Variants in IGSF6 observed in about 807,000 individuals in gnomAD.
The protein encoded by IGSF6 is immunoglobulin superfamily member 6.
In IGSF6, 23 loss-of-function variants were observed where a neutral mutation model predicts 24.7. The ratio of observed to expected loss-of-function variants is 0.93; its 90% confidence interval spans 0.67 to 1.32. IGSF6 has a LOEUF of 1.32. Among genes scored for constraint, IGSF6 ranks in the 40% most tolerant of loss-of-function variants. The pLI, the probability that IGSF6 is intolerant of heterozygous loss-of-function variation, is 0.00. For synonymous variants in IGSF6, 110 were observed against 113.7 expected (o/e 0.97, Z 0.21); for missense variants, 295 against 293.6 (o/e 1.00, Z -0.04).
rs1307469859 is a variant in IGSF6, at chr16:21,647,162, G to T, written c.398C>A (p.Thr133Lys). ...TACCACCAGTGTGGTCCCTCCTCCT[G>T]TCTGTTTAGCTCTCGCTTCCGGCAC... is the stretch of plus-strand genomic sequence containing the variant. ...PSVPEARAKQ[T>K]GGGTTLVVRE... Residue 133 changes from threonine (T) to lysine (K), a missense_variant, in exon 2 of 6, where the codon ACA becomes AAA. Thr to Lys is a moderately conservative substitution (Grantham distance 78). Coordinates refer to ENST00000268389, the MANE Select transcript of IGSF6 (RefSeq NM_005849.4). The T allele has an allele frequency of 6.2e-7, 1 of 1,614,134 alleles. No individual in the cohort carries two copies. Among genetic ancestry groups the T allele is most frequent in the African/African-American group, 1.3e-5 (1 of 75,008 alleles).
intron 2 of IGSF6, among the ~76,000 whole-genome samples, chr16:21,645,400 T>A (rs981341864): frequency 1.3e-4 from 20 of 152,028 alleles, no homozygotes; most frequent in African/African-American, 4.6e-4. Flanking sequence ...TTGGTTGCAG[T>A]GAGCTGAGAT....
chr16:21,651,513 G>C (rs1344294418), intron 1 of IGSF6, among the ~76,000 whole-genome samples: 1 of 151,758 alleles, frequency 6.6e-6, no homozygotes, highest in Non-Finnish European at 1.5e-5. Flanking sequence ...TGTTGTTCAT[G>C]CTGGTCTTGA....
chr16:21,644,402 T>TTAA lies in IGSF6; in HGVS notation c.428-7_428-6insTTA. 6.3e-7 allele frequency: 1 copy of TTAA among 1,598,010 alleles called. No homozygotes were observed. The highest frequency in any genetic ancestry group is 8.6e-7 in the Non-Finnish European group (1 of 1,165,598). On this transcript the variant is annotated splice_polypyrimidine_tract_variant and splice_region_variant and intron_variant, in intron 2 of 5. Coordinates refer to ENST00000268389, the MANE Select transcript of IGSF6 (RefSeq NM_005849.4). Reference sequence around the variant, plus strand: ...CTTGCTGAGCAGCTTAATTTCTTAATGACAAAAACAGAAAGAAGCACATTG... The same window carrying TTAA: ...CTTGCTGAGCAGCTTAATTTCTTAATTAAGACAAAAACAGAAAGAAGCACATTG...
At chr16:21,642,589 C>A (rs1966301321) in intron 5 of IGSF6, among the ~76,000 whole-genome samples, 2 of 152,108 alleles carry the variant, frequency 1.3e-5, no homozygotes, top group Non-Finnish European at 2.9e-5. Context: ...TACATGTATT[C>A]TTTTCAGTTC....
Position 21,647,441 on chromosome 16 carries a change from A to G in IGSF6, c.119T>C (p.Val40Ala). Residue 40 changes from valine (V) to alanine (A), a missense_variant, in exon 2 of 6, where the codon GTG (valine) becomes GCG (alanine). Coordinates refer to ENST00000268389, the MANE Select transcript of IGSF6 (RefSeq NM_005849.4). ...LSVTQPWYLE[V>A]DYTHEAVTIK... ...GGTGACGGCCTCATGAGTGTAGTCC[A>G]CTTCTAGGTACCACGGTTGTGTGAC... The G allele has an allele frequency of 6.2e-7, 1 of 1,614,020 alleles. No homozygotes were observed. The highest frequency in any genetic ancestry group is 8.5e-7 in the Non-Finnish European group (1 of 1,179,980).
At position 21,647,117 on chromosome 16, in the gene IGSF6, A is replaced by G. The variant is rs777054630; in HGVS notation, c.427+16T>C. On this transcript the variant is annotated intron_variant, in intron 2 of 5. Transcript: ENST00000268389. ...AAGATGCAATGATGCACTGAAATAA[A>G]GCCTCGCTGACTGACCTCTTACCAC... The G allele has an allele frequency of 3.1e-6, 5 of 1,614,180 alleles. No individual in the cohort carries two copies. Among genetic ancestry groups the G allele is most frequent in the Non-Finnish European group, 4.2e-6 (5 of 1,180,008 alleles).
At chr16:21,651,540 G>A (rs1230491050) in intron 1 of IGSF6, among the ~76,000 whole-genome samples, 4 of 151,958 alleles carry the variant, frequency 2.6e-5, no homozygotes, top group Non-Finnish European at 5.9e-5. Flanking sequence ...GAGCTCAAGT[G>A]ATCCTCTCAC....
intron 1 of IGSF6, among the ~76,000 whole-genome samples, chr16:21,649,269 AG>A (rs1966508680): frequency 6.6e-6 from 1 of 152,210 alleles, no homozygotes. Flanking sequence ...CTGGGATTAC[AG>A]GTGTGAGCCA....
In IGSF6 at chr16:21,647,153, C is replaced by T. The variant is rs1966450741; in HGVS notation, c.407G>A (p.Gly136Glu). ...PEARAKQTGG[G>E]TTLVVREIKL... ...CTGACCTCTTACCACCAGTGTGGTC[C>T]CTCCTCCTGTCTGTTTAGCTCTCGC... Residue 136 changes from glycine to glutamate, a missense_variant, in exon 2 of 6, where the codon GGG becomes GAG. Physicochemically the swap from Gly to Glu is moderately conservative, Grantham distance 98 (BLOSUM62 -2). Transcript: ENST00000268389. 15 of 1,614,006 alleles carry T rather than the reference C, an allele frequency of 9.3e-6. No individual in the cohort carries two copies. Among genetic ancestry groups the T allele is most frequent in the South Asian group, 4.4e-5 (4 of 91,084 alleles).
chr16:21,642,361 C>T (rs2141611260), intron 5 of IGSF6: 1 of 152,182 alleles, frequency 6.6e-6, no homozygotes, highest in Non-Finnish European at 1.5e-5. Context: ...GGCCCCTACA[C>T]AAAGATGACA....
chr16:21,652,397 CTT>C (rs1262152900), intron 1 of IGSF6, 133 bp downstream of exon 1: 2 of 573,498 alleles, frequency 3.5e-6, no homozygotes, highest in African/African-American at 1.9e-5. Flanking sequence ...AAAAAGGAAA[CTT>C]ATCCTCTTAG....
intron 2 of IGSF6, 109 bp from the exon 3 acceptor site, chr16:21,644,505 C>T (rs1597784308): frequency 2.9e-6 from 2 of 695,460 alleles, no homozygotes; most frequent in Non-Finnish European, 2.5e-6. Context: ...CGTGAACTTA[C>T]TCTGCTTGCC....
At chr16:21,650,852 AAC>A (rs1450742299) in intron 1 of IGSF6, among the ~76,000 whole-genome samples, 2 of 152,212 alleles carry the variant, frequency 1.3e-5, no homozygotes, top group Non-Finnish European at 1.5e-5. Context: ...TTGTTTTTTA[AAC>A]ACAGTATCCA....
intron 1 of IGSF6, among the ~76,000 whole-genome samples, chr16:21,650,634 C>T (rs1456664869): frequency 6.6e-6 from 1 of 152,008 alleles, no homozygotes; most frequent in Non-Finnish European, 1.5e-5. Flanking sequence ...CATATCTCTA[C>T]TTATTTCCAC....
chr16:21,652,382 A>AG (rs1966599672), intron 1 of IGSF6, 150 bp downstream of exon 1: 5 of 524,510 alleles, frequency 9.5e-6, no homozygotes, highest in Non-Finnish European at 1.6e-5. Flanking sequence ...TCTATTTCTC[A>AG]GGGGAAAAAG....
At chr16:21,648,514 C>T (rs1285186494) in intron 1 of IGSF6, among the ~76,000 whole-genome samples, 1 of 152,200 alleles carries the variant, frequency 6.6e-6, no homozygotes, top group Non-Finnish European at 1.5e-5. Flanking sequence ...CGTCTAGCCA[C>T]AAGGTGTTCA....
In IGSF6 at chr16:21,647,128, C is replaced by T; in HGVS notation, c.427+5G>A. 6.2e-7 allele frequency: 1 copy of T among 1,614,100 alleles called. No individual in the cohort carries two copies. Among genetic ancestry groups the T allele is most frequent in the East Asian group, 2.2e-5 (1 of 44,900 alleles). On this transcript the variant is annotated splice_donor_5th_base_variant and intron_variant, in intron 2 of 5. Coordinates refer to ENST00000268389, the MANE Select transcript of IGSF6 (RefSeq NM_005849.4). ...ATGCACTGAAATAAAGCCTCGCTGACTGACCTCTTACCACCAGTGTGGTCC... is the reference window on the plus strand; with the variant it reads ...ATGCACTGAAATAAAGCCTCGCTGATTGACCTCTTACCACCAGTGTGGTCC...
At chr16:21,643,772 A>G (rs551394284) in intron 3 of IGSF6, among the ~76,000 whole-genome samples, 174 bp from the exon 4 acceptor site, 2 of 152,212 alleles carry the variant, frequency 1.3e-5, no homozygotes, top group Admixed American at 6.5e-5. Flanking sequence ...CTAATTGAAC[A>G]AACTGACGTT....
At chr16:21,642,948 T>C in intron 5 of IGSF6, 126 bp downstream of exon 5, 1 of 601,422 alleles carries the variant, frequency 1.7e-6, no homozygotes, top group South Asian at 2.2e-5. Context: ...AAATACATTC[T>C]TGTGAAAGTT....
Sources: gnomAD v4.1 joint callset for allele counts (sites outside exome capture counted in the v4.1 genomes callset) on GRCh38, gnomAD v4.1.1 for gene constraint, MANE v1.5 for transcripts, NCBI Gene and HGNC (gene_info 2026-07-23, HGNC 2026-07-21) for gene names.